The following NOL8 variants were observed in gnomAD, a reference collection of about 807,000 sequenced individuals.
NOL8 encodes nucleolar protein Nop132.
A neutral mutation model predicts 116.1 loss-of-function variants in NOL8; 93 were observed. That is an observed-to-expected ratio of 0.80 (90% CI 0.68 to 0.95). The LOEUF (loss-of-function observed/expected upper bound fraction) is 0.95, where lower values mean the gene tolerates loss of function less well. Ranked by LOEUF, NOL8 falls within the 40% of genes least tolerant of loss-of-function variation. The probability of loss-of-function intolerance (pLI) is 0.00; values close to 1 mark genes in which losing one functional copy is unlikely to be tolerated. For synonymous variants in NOL8, 419 were observed against 469.0 expected (o/e 0.89, Z 1.38); for missense variants, 1,291 against 1,382.8 (o/e 0.93, Z 1.05).
intron 4 of NOL8, chr9:92,320,408 CT>C (rs1248212593): frequency 3.3e-6 from 1 of 300,636 alleles, no homozygotes; most frequent in East Asian, 8.1e-5. Flanking sequence ...TATAACCACC[CT>C]GTTCACAGTC....
intron 13 of NOL8, 83 bp from the exon 14 acceptor site, chr9:92,300,099 A>C: frequency 2.0e-6 from 3 of 1,502,640 alleles, no homozygotes; most frequent in Non-Finnish European, 1.8e-6. Context: ...GATTACTTTT[A>C]CCACGTAGAC....
At chr9:92,314,179 G>A in intron 7 of NOL8, 88 bp downstream of exon 7, 1 of 1,459,028 alleles carries the variant, frequency 6.9e-7, no homozygotes, top group Non-Finnish European at 9.1e-7. Context: ...AAGACAATCA[G>A]CTCTATGGGG....
intron 12 of NOL8, among the ~76,000 whole-genome samples, chr9:92,304,492 G>C (rs1255312599): frequency 6.6e-6 from 1 of 152,178 alleles, no homozygotes; most frequent in Non-Finnish European, 1.5e-5. Flanking sequence ...TGACATCCTG[G>C]ATTTTGAGCT....
chr9:92,302,828 AC>A (rs1320278283), intron 12 of NOL8, among the ~76,000 whole-genome samples: 1 of 152,216 alleles, frequency 6.6e-6, no homozygotes, highest in Non-Finnish European at 1.5e-5. Flanking sequence ...AGCTAGAAGG[AC>A]CTTGAAAAAA....
chr9:92,302,097 A>G (rs1837803801), intron 12 of NOL8, among the ~76,000 whole-genome samples: 1 of 152,196 alleles, frequency 6.6e-6, no homozygotes, highest in African/African-American at 2.4e-5. Flanking sequence ...TACATTTCAG[A>G]AATTATGCCT....
chr9:92,314,879 C>T lies in NOL8; in HGVS notation c.1746G>A (p.Lys582=). The change falls in exon 7 of 17, where the codon AAG becomes AAA. Residue 582 remains lysine (K), a synonymous_variant. Transcript: ENST00000442668. ...CTTTCAAGGATTTTTTCATTGACTC[C>T]TTTTCATATAGACAGCCTACTCCCT... ...AFKGVGCLYE[K]ESMKKSLKDS... 1 of 1,613,554 alleles carries T rather than the reference C, an allele frequency of 6.2e-7. No homozygotes were observed.
At chr9:92,298,015 TGA>T in intron 16 of NOL8, 129 bp from the exon 17 acceptor site, 1 of 817,290 alleles carries the variant, frequency 1.2e-6, no homozygotes, top group Non-Finnish European at 1.9e-6. Context: ...TCTTTTGAAA[TGA>T]AGAGGGGATA....
intron 10 of NOL8, 113 bp from the exon 11 acceptor site, chr9:92,307,137 G>T: frequency 8.9e-7 from 1 of 1,129,778 alleles, no homozygotes; most frequent in Non-Finnish European, 1.2e-6. Context: ...AAGACAGGAA[G>T]AAGAAACTTT....
rs56332087 is a variant in NOL8 at position 92,323,508 on chromosome 9, AAAACAAAC to A, written c.140-13_140-6del. 6 of 1,592,890 alleles carry A rather than the reference AAAACAAAC, an allele frequency of 3.8e-6. No homozygotes were observed. Among genetic ancestry groups the A allele is most frequent in the African/African-American group, 2.7e-5 (2 of 74,688 alleles). On this transcript the variant is annotated splice_region_variant and splice_polypyrimidine_tract_variant and intron_variant, in intron 2 of 16. Transcript: ENST00000442668. ...CAAAAACTTTCTGTGGGTTTCCTAA[AAAACAAAC>A]AAACAAACAAACAAAACAATTTATT...
intron 5 of NOL8, 54 bp downstream of exon 5, chr9:92,319,167 C>T: frequency 6.8e-7 from 1 of 1,469,782 alleles, no homozygotes; most frequent in Non-Finnish European, 9.0e-7. Flanking sequence ...CACGTGATCT[C>T]AGGCATCAGT....
chr9:92,315,655 G>C lies in NOL8; in HGVS notation c.970C>G (p.Pro324Ala). 1 of 1,612,902 alleles carries C rather than the reference G, an allele frequency of 6.2e-7. No homozygotes were observed. Among genetic ancestry groups the C allele is most frequent in the South Asian group, 1.1e-5 (1 of 90,916 alleles). ...KEENLQRTTQ[P>A]SINESESDPF... The stretch of plus-strand genomic sequence containing the variant: ...TCACTTTCAGATTCATTTATTGAGG[G>C]TTGTGTAGTTCTCTGTAAGTTTTCC... Residue 324 changes from proline (P) to alanine (A), a missense_variant, in exon 7 of 17, where the codon CCC (proline) becomes GCC (alanine). Physicochemically the swap from Pro to Ala is conservative, Grantham distance 27. Transcript: ENST00000442668.
At chr9:92,318,479 A>G in intron 6 of NOL8, 139 bp downstream of exon 6, 1 of 653,866 alleles carries the variant, frequency 1.5e-6, no homozygotes, top group Middle Eastern at 3.5e-4. Flanking sequence ...TGTTTCATAC[A>G]TGTAGGTGAG....
rs1360796326 is a variant in NOL8, at chr9:92,314,859, A to C, written c.1766T>G (p.Leu589Trp). 10 of 1,613,368 alleles carry C rather than the reference A, an allele frequency of 6.2e-6. No individual in the cohort carries two copies. The Admixed American group carries it at 1.7e-4, about 27-fold the overall frequency. ...LYEKESMKKS[L>W]KDSVASNNKD... ...ATTGTTAGAGGCAACACTGTCTTTC[A>C]AGGATTTTTTCATTGACTCCTTTTC... The change falls in exon 7 of 17, where the codon TTG becomes TGG. Residue 589 changes from leucine (L) to tryptophan (W), a missense_variant. Coordinates refer to ENST00000442668, the MANE Select transcript of NOL8 (RefSeq NM_017948.6).
At position 92,323,461 on chromosome 9, in the gene NOL8, G is replaced by C; in HGVS notation, c.182C>G (p.Ala61Gly). The C allele has an allele frequency of 6.2e-7, 1 of 1,606,684 alleles. No individual in the cohort carries two copies. The highest frequency in any genetic ancestry group is 8.5e-7 in the Non-Finnish European group (1 of 1,176,752). The change falls in exon 3 of 17, where the codon GCA becomes GGA. Residue 61 changes from alanine to glycine, a missense_variant. Coordinates refer to ENST00000442668, the MANE Select transcript of NOL8 (RefSeq NM_017948.6). ...CTTACATTTTTTCAGGTCCGCTTCT[G>C]CTACACTGATGTTGATATATGCAAA... ...KVFAYINISV[A>G]EADLKKCMSV...
chr9:92,300,121 T>C, intron 13 of NOL8, 105 bp from the exon 14 acceptor site: 1 of 1,438,120 alleles, frequency 7.0e-7, no homozygotes, highest in Admixed American at 2.4e-5. Context: ...TATCTAAAGT[T>C]CCAATATGTT....
intron 6 of NOL8, among the ~76,000 whole-genome samples, chr9:92,316,520 A>G (rs975445926): frequency 3.3e-5 from 5 of 152,234 alleles, no homozygotes; most frequent in Non-Finnish European, 7.3e-5. Context: ...CCCAGAGGAC[A>G]TGGCCACATG....
Position 92,300,027 on chromosome 9 carries a change from A to G in NOL8, c.3176-11T>C. The G allele has an allele frequency of 6.2e-7, 1 of 1,611,364 alleles. No homozygotes were observed. Among genetic ancestry groups the G allele is most frequent in the South Asian group, 1.1e-5 (1 of 90,748 alleles). ...CAACTCTGTAGGTCTCTATATCGTT[A>G]TGACAACAAAAGATGATGGGATTGT... On this transcript the variant is annotated splice_polypyrimidine_tract_variant and intron_variant, in intron 13 of 16. Coordinates refer to ENST00000442668, the MANE Select transcript of NOL8 (RefSeq NM_017948.6).
At position 92,314,336 on chromosome 9, in the gene NOL8, T is replaced by C; in HGVS notation, c.2289A>G (p.Ala763=). 1 of 1,609,964 alleles carries C rather than the reference T, an allele frequency of 6.2e-7. No individual in the cohort carries two copies. ...TTGCTTTTTGCCTCGCTTCCAAGGC[T>C]GCCAAACGCTTCTCATTGTCTTCAG... The part of the protein sequence containing the change: ...KHAEDNEKRL[A]ALEARQKAKE... Residue 763 remains alanine (A), a synonymous_variant, in exon 7 of 17, where the codon GCA becomes GCG. Coordinates refer to ENST00000442668, the MANE Select transcript of NOL8 (RefSeq NM_017948.6).
Position 92,315,258 on chromosome 9 carries a change from C to A in NOL8, c.1367G>T (p.Ser456Ile). ...NRKSPSHSSS[S>I]EDADSASELA... The stretch of plus-strand genomic sequence containing the variant: ...TTCTGATGCAGAATCAGCATCTTCA[C>A]TGCTACTGGAGTGAGAGGGAGATTT... The change falls in exon 7 of 17, where the codon AGT becomes ATT. Residue 456 changes from serine to isoleucine, a missense_variant. Ser to Ile is a moderately radical substitution (Grantham distance 142). Transcript: ENST00000442668. 2.5e-6 allele frequency: 4 copies of A among 1,614,022 alleles called. No homozygotes were observed. In the East Asian group the frequency reaches 8.9e-5, roughly 36 times the overall value.
Sources: gnomAD v4.1 joint callset for allele counts (sites outside exome capture counted in the v4.1 genomes callset) on GRCh38, gnomAD v4.1.1 for gene constraint, MANE v1.5 for transcripts, NCBI Gene and HGNC (gene_info 2026-07-23, HGNC 2026-07-21) for gene names.